YWHAE: variants seen among roughly 807,000 people sequenced by gnomAD.
YWHAE encodes the protein 14-3-3 protein epsilon.
In YWHAE, 4 loss-of-function variants were observed where a neutral mutation model predicts 30.1. The observed-to-expected ratio is 0.13, with a 90% confidence interval of 0.07 to 0.30. The LOEUF is 0.30. Ranked by LOEUF, YWHAE falls within the 10% of genes least tolerant of loss-of-function variation. The pLI, the probability that YWHAE is intolerant of heterozygous loss-of-function variation, is 1.00. For missense variants in YWHAE, 121 were observed against 315.9 expected, an observed-to-expected ratio of 0.38 and a Z score of 4.68; for synonymous variants, 118 against 111.8, an observed-to-expected ratio of 1.06 and a Z score of -0.35.
At chr17:1,367,763 G>A (rs928354352) in intron 1 of YWHAE, among the ~76,000 whole-genome samples, 20 of 152,042 alleles carry the variant, frequency 1.3e-4, no homozygotes, top group African/African-American at 4.6e-4. Flanking sequence ...AGATTAAAAG[G>A]ATTTTATCAT....
chr17:1,376,435 T>C (rs1269107492), intron 1 of YWHAE, among the ~76,000 whole-genome samples: 1 of 151,910 alleles, frequency 6.6e-6, no homozygotes, highest in African/African-American at 2.4e-5. Flanking sequence ...AGAAGTTCAC[T>C]CCTGCTTAAA....
At chr17:1,397,864 A>C (rs1291361792) in intron 1 of YWHAE, among the ~76,000 whole-genome samples, 1 of 152,090 alleles carries the variant, frequency 6.6e-6, no homozygotes, top group Non-Finnish European at 1.5e-5. Flanking sequence ...CACCTTGTAG[A>C]TCCTATTTCC....
In YWHAE at chr17:1,390,690, A is replaced by G. The variant is rs79109129; in HGVS notation, c.64+9357T>C. Among the ~76,000 whole-genome samples, 413 of 152,348 alleles carry G rather than the reference A, an allele frequency of 2.7e-3. 7 individuals are homozygous for G. The highest frequency in any genetic ancestry group is 5.0e-3 in the East Asian group (26 of 5,188). ...ATCTGCCAAATGATGAAATACTGTC[A>G]TAACTCTTACAGTAATGCATCTCCT... On this transcript the variant is annotated intron_variant, in intron 1 of 5. Transcript: ENST00000264335.
chr17:1,372,662 AG>A (rs779624620), intron 1 of YWHAE, among the ~76,000 whole-genome samples: 17 of 152,186 alleles, frequency 1.1e-4, no homozygotes, highest in Non-Finnish European at 2.4e-4. Flanking sequence ...GGAGAGAGAC[AG>A]GGAGTCAGAA....
At chr17:1,360,108 A>G (rs896185475) in intron 4 of YWHAE, among the ~76,000 whole-genome samples, 2 of 152,050 alleles carry the variant, frequency 1.3e-5, no homozygotes, top group Non-Finnish European at 2.9e-5. Context: ...GATTGCAGGC[A>G]TGCACCACCA....
chr17:1,372,867 T>C (rs1236208462), intron 1 of YWHAE, among the ~76,000 whole-genome samples: 1 of 151,354 alleles, frequency 6.6e-6, no homozygotes, highest in East Asian at 2.0e-4. Flanking sequence ...GCAGGAGGAT[T>C]GCTGGAGCCT....
intron 2 of YWHAE, 61 bp from the exon 3 acceptor site, chr17:1,362,069 A>G (rs1216336887): frequency 9.9e-7 from 1 of 1,014,336 alleles, no homozygotes; most frequent in Non-Finnish European, 1.4e-6. Flanking sequence ...AAATTATTAC[A>G]TATTCTATCT....
At chr17:1,364,581 TC>T (rs1419629218) in intron 2 of YWHAE, among the ~76,000 whole-genome samples, 1 of 151,958 alleles carries the variant, frequency 6.6e-6, no homozygotes, top group Non-Finnish European at 1.5e-5. Context: ...ATACAATAGT[TC>T]CCCCTTATCC....
At chr17:1,381,801 C>T (rs2073211578) in intron 1 of YWHAE, among the ~76,000 whole-genome samples, 1 of 150,926 alleles carries the variant, frequency 6.6e-6, no homozygotes, top group African/African-American at 2.4e-5. Context: ...CCTGCAGTCC[C>T]AGGCATAGGA....
intron 1 of YWHAE, among the ~76,000 whole-genome samples, chr17:1,382,347 CTTT>C (rs546696128): frequency 8.4e-6 from 1 of 119,300 alleles, no homozygotes; most frequent in Admixed American, 8.9e-5. Flanking sequence ...CGCGCCCGGC[CTTT>C]TTTTTTTTTT....
chr17:1,379,256 G>C (rs986451682), intron 1 of YWHAE, among the ~76,000 whole-genome samples: 1 of 152,128 alleles, frequency 6.6e-6, no homozygotes, highest in Non-Finnish European at 1.5e-5. Context: ...AGGATGAAGC[G>C]GGCAGGCTGC....
chr17:1,386,830 T>C (rs1159435508), intron 1 of YWHAE, among the ~76,000 whole-genome samples: 2 of 152,174 alleles, frequency 1.3e-5, no homozygotes, highest in African/African-American at 2.4e-5. Context: ...GGCAGGTGCC[T>C]GTAATCCCAG....
intron 1 of YWHAE, among the ~76,000 whole-genome samples, chr17:1,388,117 G>GTTTTTTTTTTTTTTTT (rs1491196737): frequency 8.4e-4 from 55 of 65,108 alleles, no homozygotes; most frequent in Non-Finnish European, 1.0e-3. Context: ...TTTTTTGGTT[G>GTTTTTTTTTTTTTTTT]GTTTTTTTTT....
intron 1 of YWHAE, among the ~76,000 whole-genome samples, chr17:1,391,075 T>C (rs1017780970): frequency 2.0e-5 from 3 of 151,780 alleles, no homozygotes; most frequent in African/African-American, 4.8e-5. Flanking sequence ...CCTAGGTCTA[T>C]TATATTTTTA....
At chr17:1,356,583 T>C (rs1461684206) in intron 4 of YWHAE, among the ~76,000 whole-genome samples, 1 of 152,158 alleles carries the variant, frequency 6.6e-6, no homozygotes, top group African/African-American at 2.4e-5. Context: ...CAAGGAAAGG[T>C]GCAACCACCA....
rs1421560557 is a variant in YWHAE at position 1,400,037 on chromosome 17, C to T, written c.64+10G>A. On this transcript the variant is annotated intron_variant, in intron 1 of 5. Coordinates refer to ENST00000264335, the MANE Select transcript of YWHAE (RefSeq NM_006761.5). ...GAGAATTCCAGCCCCCCGTTGCCCCCCCAACTCACCGTCGTATCGCTCAGC... is the reference window on the plus strand; with the variant it reads ...GAGAATTCCAGCCCCCCGTTGCCCCTCCAACTCACCGTCGTATCGCTCAGC... 3.1e-6 allele frequency: 5 copies of T among 1,613,764 alleles called. No individual in the cohort carries two copies. The highest frequency in any genetic ancestry group is 1.7e-5 in the Admixed American group (1 of 60,014).
At chr17:1,360,079 C>G (rs896642256) in intron 4 of YWHAE, among the ~76,000 whole-genome samples, 3 of 152,068 alleles carry the variant, frequency 2.0e-5, no homozygotes, top group African/African-American at 7.2e-5. Flanking sequence ...TCTCCTGTCT[C>G]AGCCTCCCGA....
chr17:1,366,701 G>C (rs1032993913), intron 1 of YWHAE, among the ~76,000 whole-genome samples: 8 of 152,112 alleles, frequency 5.3e-5, no homozygotes, highest in African/African-American at 2.4e-5. Context: ...TCAGCACTTT[G>C]GGAGGCCAAG....
chr17:1,353,033 A>C (rs2072661821), intron 5 of YWHAE, among the ~76,000 whole-genome samples: 1 of 152,212 alleles, frequency 6.6e-6, no homozygotes, highest in Non-Finnish European at 1.5e-5. Flanking sequence ...CTTTAAAATC[A>C]ACAAACATAA....
Sources: allele counts gnomAD v4.1 joint callset (sites outside exome capture counted in the v4.1 genomes callset), GRCh38; gene constraint gnomAD v4.1.1; transcripts MANE v1.5; gene names NCBI Gene and HGNC (gene_info 2026-07-23, HGNC 2026-07-21).